The following CNNM2 variants were observed in gnomAD, a reference collection of about 807,000 sequenced individuals.
The protein encoded by CNNM2 is cyclin and CBS domain divalent metal cation transport mediator 2, also known as metal transporter CNNM2.
Under a neutral mutation model 66.9 loss-of-function variants are expected in CNNM2, and 12 were observed. The observed-to-expected ratio is 0.18, with a 90% CI of 0.11 to 0.29. CNNM2 has a LOEUF of 0.29. CNNM2 is among the 10% of genes least tolerant of loss of function. The probability of loss-of-function intolerance (pLI) is 1.00; values close to 1 mark genes in which losing one functional copy is unlikely to be tolerated. For missense variants in CNNM2, 705 were observed against 1,167.7 expected, an observed-to-expected ratio of 0.60 and a Z score of 5.77; for synonymous variants, 557 against 501.8, an observed-to-expected ratio of 1.11 and a Z score of -1.47.
intron 4 of CNNM2, among the ~76,000 whole-genome samples, chr10:103,058,149 T>C (rs1284843959): frequency 3.9e-5 from 6 of 152,222 alleles, no homozygotes; most frequent in East Asian, 1.9e-4. Flanking sequence ...TTACAGTCCT[T>C]CTTAGAAACT....
At chr10:103,009,720 C>A (rs181974289) in intron 1 of CNNM2, among the ~76,000 whole-genome samples, 3 of 127,742 alleles carry the variant, frequency 2.3e-5, no homozygotes, top group Admixed American at 1.5e-4. Context: ...GAATGGAGAA[C>A]CAGAGGGTGG....
At chr10:103,034,181 G>A (rs963388525) in intron 1 of CNNM2, among the ~76,000 whole-genome samples, 1 of 151,722 alleles carries the variant, frequency 6.6e-6, no homozygotes, top group South Asian at 2.1e-4. Context: ...TATTAACTAT[G>A]TAATATATGT....
intron 1 of CNNM2, among the ~76,000 whole-genome samples, chr10:102,976,577 C>T (rs1354050495): frequency 7.3e-6 from 1 of 137,764 alleles, no homozygotes. Context: ...TCATGAGTAG[C>T]TGGAATTACA....
At chr10:103,045,368 C>T (rs2065110501) in intron 1 of CNNM2, among the ~76,000 whole-genome samples, 1 of 152,140 alleles carries the variant, frequency 6.6e-6, no homozygotes, top group African/African-American at 2.4e-5. Context: ...CTTGTAGACA[C>T]AGCTGCCTAG....
chr10:102,951,314 A>G (rs1353397463), intron 1 of CNNM2, among the ~76,000 whole-genome samples: 1 of 151,990 alleles, frequency 6.6e-6, no homozygotes, highest in African/African-American at 2.4e-5. Context: ...CTCCTGCCTC[A>G]GCCTCCTGAG....
At position 103,013,954 on chromosome 10, in the gene CNNM2, G is replaced by A. The variant is rs2134275626; in HGVS notation, c.1622-35753G>A. 2.0e-5 allele frequency among the ~76,000 whole-genome samples: 3 copies of A among 152,298 alleles called. 1 individual carries two copies. The highest frequency in any genetic ancestry group is 6.8e-3 in the Middle Eastern group (2 of 294). ...GATGAGCTCTCATCGTCTAATCCCA[G>A]TAGAAATTCCCTTAAGACAATTAGG... On this transcript the variant is annotated intron_variant, in intron 1 of 7. Transcript: ENST00000369878.
chr10:102,975,403 A>G (rs956677939), intron 1 of CNNM2, among the ~76,000 whole-genome samples: 1 of 150,694 alleles, frequency 6.6e-6, no homozygotes, highest in Non-Finnish European at 1.5e-5. Context: ...CAGAGTGGTG[A>G]CAGTGAACTG....
chr10:103,046,172 G>A (rs1299254884), intron 1 of CNNM2, among the ~76,000 whole-genome samples: 1 of 152,212 alleles, frequency 6.6e-6, no homozygotes, highest in Non-Finnish European at 1.5e-5. Flanking sequence ...TTATGAGGCT[G>A]GCTTTAAAGA....
chr10:102,980,404 G>A (rs956971963), intron 1 of CNNM2, among the ~76,000 whole-genome samples: 2 of 150,804 alleles, frequency 1.3e-5, no homozygotes, highest in African/African-American at 4.9e-5. Flanking sequence ...CTGAGTAGCT[G>A]GACTACAGGC....
intron 1 of CNNM2, among the ~76,000 whole-genome samples, chr10:103,000,466 T>C (rs1207554817): frequency 1.3e-5 from 2 of 152,068 alleles, no homozygotes; most frequent in African/African-American, 4.8e-5. Context: ...ATTTTTTATT[T>C]TTTTTGAGAC....
intron 1 of CNNM2, among the ~76,000 whole-genome samples, chr10:102,947,080 T>A (rs1846643052): frequency 6.6e-6 from 1 of 152,122 alleles, no homozygotes; most frequent in African/African-American, 2.4e-5. Flanking sequence ...TCATAAATAC[T>A]AACTTACTCT....
At chr10:102,998,681 A>G (rs1428166235) in intron 1 of CNNM2, among the ~76,000 whole-genome samples, 1 of 152,152 alleles carries the variant, frequency 6.6e-6, no homozygotes, top group African/African-American at 2.4e-5. Context: ...AATCGACTAC[A>G]AAACTATTAG....
chr10:102,985,416 T>C (rs377155007), intron 1 of CNNM2, among the ~76,000 whole-genome samples: 6 of 152,198 alleles, frequency 3.9e-5, no homozygotes, highest in Non-Finnish European at 8.8e-5. Context: ...GTCAACATCA[T>C]TGAGAACTCT....
intron 1 of CNNM2, among the ~76,000 whole-genome samples, chr10:102,963,596 G>T (rs1244410448): frequency 6.6e-6 from 1 of 152,088 alleles, no homozygotes; most frequent in Non-Finnish European, 1.5e-5. Context: ...AAGGCTGATT[G>T]TTCCCGGAGA....
At chr10:102,989,573 C>T (rs975909580) in intron 1 of CNNM2, among the ~76,000 whole-genome samples, 7 of 151,978 alleles carry the variant, frequency 4.6e-5, no homozygotes, top group Admixed American at 1.3e-4. Flanking sequence ...GAGGCTGAGG[C>T]GGGCGGATCA....
chr10:102,927,932 C>T (rs1554888736), intron 1 of CNNM2, among the ~76,000 whole-genome samples: 1 of 152,058 alleles, frequency 6.6e-6, no homozygotes, highest in South Asian at 2.1e-4. Context: ...CCTATTTAAC[C>T]CTCCCTTGCT....
chr10:103,055,189 G>T (rs1341119546), intron 3 of CNNM2, among the ~76,000 whole-genome samples: 1 of 152,186 alleles, frequency 6.6e-6, no homozygotes, highest in Non-Finnish European at 1.5e-5. Flanking sequence ...TGCTCTCCAG[G>T]GTTGAGCTCT....
intron 1 of CNNM2, among the ~76,000 whole-genome samples, chr10:102,920,749 T>C (rs1845600414): frequency 6.6e-6 from 1 of 151,880 alleles, no homozygotes; most frequent in Non-Finnish European, 1.5e-5. Context: ...TAGAAAAGAG[T>C]TGTTGTTGTT....
At chr10:102,933,440 A>G (rs563656598) in intron 1 of CNNM2, among the ~76,000 whole-genome samples, 1 of 152,330 alleles carries the variant, frequency 6.6e-6, no homozygotes, top group South Asian at 2.1e-4. Flanking sequence ...GCTTGTATAT[A>G]GATATACAAG....
Sources: gnomAD v4.1 joint callset for allele counts (sites outside exome capture counted in the v4.1 genomes callset) on GRCh38, gnomAD v4.1.1 for gene constraint, MANE v1.5 for transcripts, NCBI Gene and HGNC (gene_info 2026-07-23, HGNC 2026-07-21) for gene names.